KCNJ15: variants seen among roughly 807,000 people sequenced by gnomAD.
KCNJ15 encodes the protein ATP-sensitive inward rectifier potassium channel 15.
Under a neutral mutation model 23.0 loss-of-function variants are expected in KCNJ15, and 14 were observed. The observed-to-expected ratio is 0.61, with a 90% CI of 0.40 to 0.95. The LOEUF (loss-of-function observed/expected upper bound fraction) is 0.95, where lower values mean the gene tolerates loss of function less well. KCNJ15 is among the 40% of genes least tolerant of loss of function. KCNJ15 has a pLI of 0.00. For missense variants in KCNJ15, 388 were observed against 461.8 expected (o/e 0.84, Z 1.46); for synonymous variants, 185 against 183.2 (o/e 1.01, Z -0.08).
chr21:38,234,823 A>G (rs1431540075), intron 1 of KCNJ15, among the ~76,000 whole-genome samples: 1 of 152,210 alleles, frequency 6.6e-6, no homozygotes, highest in Non-Finnish European at 1.5e-5. Flanking sequence ...TATATTTTTG[A>G]ATTTTAAAAT....
intron 1 of KCNJ15, among the ~76,000 whole-genome samples, chr21:38,257,431 T>C (rs946915980): frequency 2.0e-5 from 3 of 152,200 alleles, no homozygotes; most frequent in Non-Finnish European, 4.4e-5. Context: ...AATATCCAGA[T>C]GTCGTCTTGT....
intron 1 of KCNJ15, among the ~76,000 whole-genome samples, chr21:38,250,229 TG>T (rs1372016370): frequency 6.6e-6 from 1 of 152,174 alleles, no homozygotes; most frequent in African/African-American, 2.4e-5. Flanking sequence ...AGATGAGACC[TG>T]GGACTTCTCC....
At chr21:38,234,283 A>G (rs1022713118) in intron 1 of KCNJ15, among the ~76,000 whole-genome samples, 1 of 152,154 alleles carries the variant, frequency 6.6e-6, no homozygotes. Context: ...TTTTTTTCTC[A>G]TGAGCTATTT....
At chr21:38,261,949 G>A (rs1980948874) in intron 1 of KCNJ15, among the ~76,000 whole-genome samples, 1 of 152,174 alleles carries the variant, frequency 6.6e-6, no homozygotes, top group South Asian at 2.1e-4. Flanking sequence ...TTCAATAGCA[G>A]TTAATTGTGT....
At chr21:38,246,222 G>A (rs926338996) in intron 1 of KCNJ15, among the ~76,000 whole-genome samples, 1 of 152,170 alleles carries the variant, frequency 6.6e-6, no homozygotes, top group Admixed American at 6.5e-5. Flanking sequence ...CTAGGCTAGG[G>A]TCTGGTTTCT....
chr21:38,294,654 G>A (rs1460031097), intron 1 of KCNJ15, among the ~76,000 whole-genome samples: 1 of 148,088 alleles, frequency 6.8e-6, no homozygotes, highest in Non-Finnish European at 1.5e-5. Context: ...ATGGCAATGG[G>A]TACTACCCTT....
chr21:38,287,418 G>A, intron 1 of KCNJ15, among the ~76,000 whole-genome samples: 1 of 152,064 alleles, frequency 6.6e-6, no homozygotes, highest in East Asian at 1.9e-4. Flanking sequence ...TTTTCCCTAG[G>A]GATGCCAGAT....
intron 1 of KCNJ15, among the ~76,000 whole-genome samples, chr21:38,240,413 T>C (rs1292290387): frequency 6.6e-6 from 1 of 152,214 alleles, no homozygotes. Context: ...GTGGTTAAGA[T>C]AACAAGTTAA....
upstream of KCNJ15, among the ~76,000 whole-genome samples, chr21:38,256,338 A>T (rs191437379): frequency 8.3e-3 from 1,094 of 132,482 alleles, 8 homozygotes; most frequent in Admixed American, 0.013. Context: ...GAAGAACCAA[A>T]TTTTGCCCAT....
rs16996068 is a variant in KCNJ15, at chr21:38,277,284, G to T, written c.-116-19642G>T. 7.7e-3 allele frequency among the ~76,000 whole-genome samples: 1,180 copies of T among 152,260 alleles called. 18 individuals are homozygous for T. Among genetic ancestry groups the T allele is most frequent in the African/African-American group, 0.027 (1,103 of 41,550 alleles). Reference sequence around the variant, plus strand: ...CACTTGACTTTGCCATGATTCTCAAGTTAAATCCTTGGACCTCTTAAAGAT... The same window carrying T: ...CACTTGACTTTGCCATGATTCTCAATTTAAATCCTTGGACCTCTTAAAGAT... On this transcript the variant is annotated intron_variant, in intron 1 of 2. Coordinates refer to ENST00000398938, the MANE Select transcript of KCNJ15 (RefSeq NM_170736.3).
intron 1 of KCNJ15, among the ~76,000 whole-genome samples, chr21:38,269,533 T>A (rs554587752): frequency 6.6e-6 from 1 of 152,182 alleles, no homozygotes; most frequent in African/African-American, 2.4e-5. Context: ...AAAGTAACTA[T>A]CTCCTCTGTT....
Position 38,305,283 on chromosome 21 carries a change from A to C in KCNJ15, c.*4894A>C, listed in dbSNP as rs1013986285. The C allele has an allele frequency of 3.3e-5, 5 of 152,126 alleles. No homozygotes were observed. The highest frequency in any genetic ancestry group is 1.3e-4 in the Admixed American group (2 of 15,262). 9.4% of individuals were successfully genotyped at this position (152,126 alleles called of 1,614,324 possible). On this transcript the variant is annotated 3_prime_UTR_variant, in exon 3 of 3. Transcript: ENST00000398938. ...TAAAGTCAAATAGATTGGTGGGTTA[A>C]AAAATAATCAATTCAAATTCAAATT...
chr21:38,231,569 T>G (rs923315582), intron 1 of KCNJ15, among the ~76,000 whole-genome samples: 3 of 151,936 alleles, frequency 2.0e-5, no homozygotes, highest in Non-Finnish European at 4.4e-5. Flanking sequence ...TGATATGAGC[T>G]GAGATTTTGT....
intron 1 of KCNJ15, chr21:38,291,607 T>C (rs1224330004): frequency 6.6e-6 from 1 of 152,254 alleles, no homozygotes; most frequent in African/African-American, 2.4e-5. Flanking sequence ...ATATTCCAGA[T>C]AACTTTTAAG....
At chr21:38,233,772 A>G (rs899828698) in intron 1 of KCNJ15, among the ~76,000 whole-genome samples, 19 of 152,226 alleles carry the variant, frequency 1.2e-4, no homozygotes, top group African/African-American at 4.6e-4. Flanking sequence ...GATGTGTACT[A>G]CCTTAATGCA....
intron 1 of KCNJ15, among the ~76,000 whole-genome samples, chr21:38,290,788 A>G (rs1337838764): frequency 6.6e-6 from 1 of 152,146 alleles, no homozygotes; most frequent in East Asian, 1.9e-4. Context: ...TCATCTCAAC[A>G]TAGAGTGTGA....
rs142324283 is a variant in KCNJ15, at chr21:38,242,519, G to A, written c.-398-14527G>A. Reference sequence around the variant, plus strand: ...AGAGGTGGGGCTTTATCCAACATTGGAACCATTTTAAATTCCCCAAGTAGC... The same window carrying A: ...AGAGGTGGGGCTTTATCCAACATTGAAACCATTTTAAATTCCCCAAGTAGC... On this transcript the variant is annotated intron_variant, in intron 1 of 4. Coordinates refer to the KCNJ15 transcript ENST00000547341. Among the ~76,000 whole-genome samples the A allele has an allele frequency of 5.2e-3, 786 of 152,250 alleles. 9 individuals are homozygous for A. Among genetic ancestry groups the A allele is most frequent in the African/African-American group, 0.015 (609 of 41,544 alleles).
intron 1 of KCNJ15, among the ~76,000 whole-genome samples, chr21:38,295,547 C>CT (rs11380765): frequency 0.1 from 15,023 of 147,024 alleles, 2,098 homozygotes; most frequent in African/African-American, 0.32. Context: ...GCAAGCTGCA[C>CT]TTTTTTTTTT....
intron 1 of KCNJ15, among the ~76,000 whole-genome samples, chr21:38,288,026 C>CTTTTCTTTTTTT (rs1171718120): frequency 1.3e-5 from 1 of 78,170 alleles, no homozygotes; most frequent in Admixed American, 2.0e-4. Context: ...TTGTTTTTTT[C>CTTTTCTTTTTTT]TTTGTTTTTT....
Sources: allele counts gnomAD v4.1 joint callset (sites outside exome capture counted in the v4.1 genomes callset), GRCh38; gene constraint gnomAD v4.1.1; transcripts MANE v1.5; gene names NCBI Gene and HGNC (gene_info 2026-07-23, HGNC 2026-07-21).